HOOK1: variants seen among roughly 807,000 people sequenced by gnomAD.
HOOK1 encodes the protein hook microtubule tethering protein 1, also known as protein Hook homolog 1.
A neutral mutation model predicts 112.8 loss-of-function variants in HOOK1; 60 were observed. The ratio of observed to expected loss-of-function variants is 0.53; its 90% confidence interval spans 0.43 to 0.66. HOOK1 has a LOEUF of 0.66. Ranked by LOEUF, HOOK1 falls within the 30% of genes least tolerant of loss-of-function variation. HOOK1 has a pLI of 0.00. For missense variants in HOOK1, 770 were observed against 856.0 expected (o/e 0.90, Z 1.25); for synonymous variants, 294 against 283.8 (o/e 1.04, Z -0.36).
intron 20 of HOOK1, among the ~76,000 whole-genome samples, chr1:59,870,623 T>A (rs956959947): frequency 1.2e-4 from 19 of 152,202 alleles, no homozygotes. Flanking sequence ...TGTATTAAAC[T>A]TTATAGGCAA....
At chr1:59,825,129 T>G (rs981354975) in intron 2 of HOOK1, among the ~76,000 whole-genome samples, 1 of 152,212 alleles carries the variant, frequency 6.6e-6, no homozygotes, top group Non-Finnish European at 1.5e-5. Context: ...TCTTTTCTTA[T>G]AAGGGCACCA....
intron 2 of HOOK1, among the ~76,000 whole-genome samples, chr1:59,824,454 C>T (rs1482807275): frequency 6.6e-6 from 1 of 152,172 alleles, no homozygotes; most frequent in Non-Finnish European, 1.5e-5. Context: ...GATCCGCCCA[C>T]CTTGGCCTCC....
intron 11 of HOOK1, 79 bp from the exon 12 acceptor site, chr1:59,848,994 A>G (rs566449147): frequency 2.9e-5 from 21 of 713,966 alleles, no homozygotes; most frequent in Non-Finnish European, 4.0e-5. Context: ...TTTTTCATTT[A>G]CTCAATTCTG....
intron 6 of HOOK1, among the ~76,000 whole-genome samples, chr1:59,835,642 C>A (rs1030572620): frequency 6.6e-6 from 1 of 152,092 alleles, no homozygotes; most frequent in Non-Finnish European, 1.5e-5. Context: ...ATTATCAAGT[C>A]TCTTTAAATC....
intron 12 of HOOK1, among the ~76,000 whole-genome samples, chr1:59,851,870 TG>T (rs2098407339): frequency 6.6e-6 from 1 of 151,734 alleles, no homozygotes; most frequent in Non-Finnish European, 1.5e-5. Flanking sequence ...TGTTGCATGC[TG>T]TTATCCTAAA....
intron 8 of HOOK1, among the ~76,000 whole-genome samples, chr1:59,843,058 A>T (rs900687979): frequency 4.6e-5 from 7 of 151,988 alleles, no homozygotes; most frequent in Non-Finnish European, 7.4e-5. Context: ...TTGGCTTAGC[A>T]GGTGACATCA....
intron 21 of HOOK1, among the ~76,000 whole-genome samples, 182 bp downstream of exon 21, chr1:59,871,292 T>G (rs1213604226): frequency 6.6e-6 from 1 of 152,248 alleles, no homozygotes; most frequent in African/African-American, 2.4e-5. Flanking sequence ...TGTCATATTC[T>G]CCTTTAATGT....
At chr1:59,833,713 C>A (rs2102021350) in intron 5 of HOOK1, among the ~76,000 whole-genome samples, 176 bp downstream of exon 5, 1 of 152,250 alleles carries the variant, frequency 6.6e-6, no homozygotes. Flanking sequence ...CCTTGAGTGT[C>A]CTATTTGTAC....
intron 1 of HOOK1, among the ~76,000 whole-genome samples, chr1:59,819,142 T>A (rs1479437052): frequency 1.5e-5 from 1 of 66,426 alleles, no homozygotes; most frequent in Non-Finnish European, 3.2e-5. Flanking sequence ...ATAAGCATTT[T>A]TTTTTTTTTT....
chr1:59,828,728 T>G, intron 2 of HOOK1, 52 bp from the exon 3 acceptor site: 1 of 1,520,496 alleles, frequency 6.6e-7, no homozygotes, highest in Non-Finnish European at 9.1e-7. Context: ...ATTTAATTTT[T>G]TGTGTAATAA....
At chr1:59,830,074 A>T (rs2102016334) in intron 3 of HOOK1, among the ~76,000 whole-genome samples, 1 of 152,114 alleles carries the variant, frequency 6.6e-6, no homozygotes, top group African/African-American at 2.4e-5. Flanking sequence ...CTCTGTATTG[A>T]GAAGTTATTT....
intron 11 of HOOK1, 41 bp downstream of exon 11, chr1:59,848,557 G>A: frequency 2.2e-6 from 3 of 1,372,838 alleles, no homozygotes; most frequent in Non-Finnish European, 3.1e-6. Flanking sequence ...AATTGTAAGA[G>A]TTTAACTTTG....
At chr1:59,856,179 C>T (rs1574214162) in intron 12 of HOOK1, among the ~76,000 whole-genome samples, 1 of 147,676 alleles carries the variant, frequency 6.8e-6, no homozygotes, top group East Asian at 2.0e-4. Flanking sequence ...CTCCTTGCCT[C>T]AAACAATCCT....
At chr1:59,848,620 TAATAAGCTATG>T in intron 11 of HOOK1, 104 bp downstream of exon 11, 1 of 741,210 alleles carries the variant, frequency 1.3e-6, no homozygotes, top group Non-Finnish European at 2.3e-6. Flanking sequence ...GCGTTGCATG[TAATAAGCTATG>T]AACTTATTCT....
chr1:59,875,791 G>GTTTAT lies in HOOK1; in HGVS notation c.*2830_*2834dup, dbSNP rs1204041819. 1.3e-5 allele frequency: 2 copies of GTTTAT among 152,168 alleles called. No individual in the cohort carries two copies. The highest frequency in any genetic ancestry group is 2.9e-5 in the Non-Finnish European group (2 of 68,020). The allele number at this position is 152,168 out of a possible 1,614,324, so 9.4% of individuals were successfully genotyped here. ...ACTTATGTATTGAGGAAAATTTGAA[G>GTTTAT]TTTATTTTTTCGATGAATAAGGCTG... On this transcript the variant is annotated 3_prime_UTR_variant, in exon 22 of 22. Transcript: ENST00000371208.
At chr1:59,819,460 G>A (rs2098384006) in intron 1 of HOOK1, among the ~76,000 whole-genome samples, 1 of 152,066 alleles carries the variant, frequency 6.6e-6, no homozygotes, top group South Asian at 2.1e-4. Context: ...TCCCCACTAA[G>A]CTTTTTAATT....
chr1:59,845,675 T>C (rs564086447), intron 9 of HOOK1, among the ~76,000 whole-genome samples: 5 of 152,044 alleles, frequency 3.3e-5, no homozygotes, highest in African/African-American at 1.2e-4. Flanking sequence ...TCTTGTAATA[T>C]ATTGATTGAT....
At chr1:59,836,738 A>G in intron 6 of HOOK1, 135 bp from the exon 7 acceptor site, 1 of 515,898 alleles carries the variant, frequency 1.9e-6, no homozygotes. Flanking sequence ...TTTTATCTGA[A>G]TAGCGTTCTA....
intron 12 of HOOK1, among the ~76,000 whole-genome samples, chr1:59,855,972 A>ATT (rs2098410417): frequency 1.5e-5 from 1 of 67,818 alleles, no homozygotes. Flanking sequence ...ATTATTATAT[A>ATT]TATATATATA....
Sources: allele counts gnomAD v4.1 joint callset (sites outside exome capture counted in the v4.1 genomes callset), GRCh38; gene constraint gnomAD v4.1.1; transcripts MANE v1.5; gene names NCBI Gene and HGNC (gene_info 2026-07-23, HGNC 2026-07-21).